The following KHDRBS2 variants were observed in gnomAD, a reference collection of about 807,000 sequenced individuals.
KHDRBS2 encodes the protein KH RNA binding domain containing, signal transduction associated 2, also known as KH domain-containing, RNA-binding, signal transduction-associated protein 2.
In KHDRBS2, 26 loss-of-function variants were observed where a neutral mutation model predicts 44.3. The ratio of observed to expected loss-of-function variants is 0.59; its 90% CI spans 0.43 to 0.81. The LOEUF (loss-of-function observed/expected upper bound fraction) is 0.81. KHDRBS2 is among the 40% of genes least tolerant of loss of function. KHDRBS2 has a pLI of 0.00. For missense variants in KHDRBS2, 476 were observed against 433.1 expected (o/e 1.10, Z -0.88); for synonymous variants, 194 against 151.1 (o/e 1.28, Z -2.08).
intron 8 of KHDRBS2, among the ~76,000 whole-genome samples, chr6:61,696,236 A>ATTTT (rs1554162475): frequency 3.5e-5 from 3 of 86,666 alleles, no homozygotes; most frequent in African/African-American, 7.6e-5. Context: ...CCATATATGT[A>ATTTT]TTTTATTTAT....
chr6:61,918,813 G>C (rs1807496917), intron 4 of KHDRBS2, among the ~76,000 whole-genome samples: 1 of 151,944 alleles, frequency 6.6e-6, no homozygotes, highest in Non-Finnish European at 1.5e-5. Flanking sequence ...TGGTGTATGT[G>C]TGTGTTTGAC....
the KHDRBS2 span, among the ~76,000 whole-genome samples, chr6:61,560,888 T>A: frequency 1.3e-5 from 2 of 152,286 alleles, no homozygotes; most frequent in East Asian, 1.9e-4. Flanking sequence ...TTCTTCAGTG[T>A]CTGGGTATTG....
chr6:62,064,929 T>C (rs967061925), intron 2 of KHDRBS2, among the ~76,000 whole-genome samples: 2 of 150,286 alleles, frequency 1.3e-5, no homozygotes, highest in Non-Finnish European at 3.0e-5. Context: ...TCAAACAAAT[T>C]TACAAGAAAA....
At chr6:61,835,382 C>G (rs1275893386) in intron 6 of KHDRBS2, among the ~76,000 whole-genome samples, 1 of 151,988 alleles carries the variant, frequency 6.6e-6, no homozygotes, top group African/African-American at 2.4e-5. Flanking sequence ...TTTTACTAAT[C>G]AGTTGTGTTG....
intron 6 of KHDRBS2, among the ~76,000 whole-genome samples, chr6:61,753,462 T>G (rs796863494): frequency 6.6e-6 from 1 of 152,192 alleles, no homozygotes; most frequent in African/African-American, 2.4e-5. Flanking sequence ...TAAAAGTAAC[T>G]GTTTAGTAGA....
intron 3 of KHDRBS2, among the ~76,000 whole-genome samples, chr6:62,009,056 G>C (rs906683490): frequency 6.6e-6 from 1 of 152,140 alleles, no homozygotes; most frequent in African/African-American, 2.4e-5. Flanking sequence ...CAGGTTGAAG[G>C]GTTCAGAGGA....
the KHDRBS2 span, among the ~76,000 whole-genome samples, chr6:61,654,917 C>T: frequency 6.6e-6 from 1 of 151,700 alleles, no homozygotes; most frequent in Admixed American, 6.6e-5. Flanking sequence ...AATAACCTGA[C>T]TTCTACCTTT....
At chr6:61,913,615 T>C (rs1393817006) in intron 4 of KHDRBS2, among the ~76,000 whole-genome samples, 3 of 151,826 alleles carry the variant, frequency 2.0e-5, no homozygotes, top group Non-Finnish European at 4.4e-5. Flanking sequence ...TACATTCTAA[T>C]GTGGGGAAAG....
chr6:62,129,515 C>A (rs1325564406), intron 2 of KHDRBS2, among the ~76,000 whole-genome samples: 2 of 151,990 alleles, frequency 1.3e-5, no homozygotes, highest in Non-Finnish European at 2.9e-5. Context: ...AGAGCAAAAT[C>A]TTTTTAATGG....
the KHDRBS2 span, among the ~76,000 whole-genome samples, chr6:61,600,596 A>G: frequency 6.6e-6 from 1 of 152,226 alleles, no homozygotes; most frequent in East Asian, 1.9e-4. Context: ...CTGCTCACAC[A>G]AAGCCTGTTT....
intron 6 of KHDRBS2, among the ~76,000 whole-genome samples, chr6:61,868,416 T>G (rs569565744): frequency 5.6e-4 from 85 of 152,178 alleles, no homozygotes; most frequent in Non-Finnish European, 1.0e-3. Context: ...TAGGCTCCAG[T>G]TGGGAGATCC....
At chr6:61,590,663 T>A in the KHDRBS2 span, among the ~76,000 whole-genome samples, 2 of 152,138 alleles carry the variant, frequency 1.3e-5, no homozygotes, top group African/African-American at 2.4e-5. Flanking sequence ...TTATGTGAAT[T>A]TACTTTCTGG....
chr6:61,951,514 T>C (rs1307409912), intron 4 of KHDRBS2, among the ~76,000 whole-genome samples: 1 of 152,074 alleles, frequency 6.6e-6, no homozygotes, highest in South Asian at 2.1e-4. Context: ...TTAAGATGCT[T>C]AAGATTATGC....
chr6:61,964,905 G>A (rs1769568164), intron 4 of KHDRBS2, among the ~76,000 whole-genome samples: 1 of 152,052 alleles, frequency 6.6e-6, no homozygotes, highest in Non-Finnish European at 1.5e-5. Context: ...TGTACATTTT[G>A]TTCTACACAT....
At chr6:62,017,746 T>G (rs1231086450) in intron 3 of KHDRBS2, among the ~76,000 whole-genome samples, 1 of 152,078 alleles carries the variant, frequency 6.6e-6, no homozygotes, top group Non-Finnish European at 1.5e-5. Context: ...AGAACTGTAA[T>G]TTTGGATAAC....
chr6:61,604,533 A>C, the KHDRBS2 span, among the ~76,000 whole-genome samples: 1 of 151,972 alleles, frequency 6.6e-6, no homozygotes, highest in African/African-American at 2.4e-5. Context: ...TCATTTCATA[A>C]CCTCTTCCAT....
At chr6:61,997,426 C>G (rs1419489705) in intron 3 of KHDRBS2, among the ~76,000 whole-genome samples, 12 of 152,130 alleles carry the variant, frequency 7.9e-5, no homozygotes, top group Non-Finnish European at 1.5e-4. Flanking sequence ...CACTGATATT[C>G]TGAAATTAGC....
chr6:61,766,156 C>T (rs950954720), intron 6 of KHDRBS2, among the ~76,000 whole-genome samples: 1 of 151,638 alleles, frequency 6.6e-6, no homozygotes, highest in Admixed American at 6.6e-5. Context: ...AATCTCATTA[C>T]TGGTTATTGG....
At chr6:62,245,558 ATGTT>A (rs1464324128) in intron 1 of KHDRBS2, among the ~76,000 whole-genome samples, 3 of 152,128 alleles carry the variant, frequency 2.0e-5, no homozygotes, top group Non-Finnish European at 2.9e-5. Flanking sequence ...ATCCCAAACA[ATGTT>A]TATTTATATC....
Sources: allele counts gnomAD v4.1 joint callset (sites outside exome capture counted in the v4.1 genomes callset), GRCh38; gene constraint gnomAD v4.1.1; transcripts MANE v1.5; gene names NCBI Gene and HGNC (gene_info 2026-07-23, HGNC 2026-07-21).